Variants in CLIP4 observed in about 807,000 individuals in gnomAD.
CLIP4 encodes the protein CAP-Gly domain-containing linker protein 4.
CLIP4 carries 47 observed loss-of-function variants against 73.1 expected under a neutral mutation model. The ratio of observed to expected loss-of-function variants is 0.64; its 90% CI spans 0.51 to 0.82. CLIP4 has a LOEUF of 0.82. CLIP4 is among the 40% of genes least tolerant of loss of function. The pLI is 0.00. For missense variants in CLIP4, 874 were observed against 852.9 expected (o/e 1.02, Z -0.31); for synonymous variants, 306 against 295.4 (o/e 1.04, Z -0.37).
intron 13 of CLIP4, among the ~76,000 whole-genome samples, chr2:29,164,876 A>G (rs913347697): frequency 5.9e-5 from 9 of 152,190 alleles, no homozygotes; most frequent in African/African-American, 1.9e-4. Context: ...CTTCATATTT[A>G]TGGTGATAAC....
At chr2:29,132,048 A>C in intron 3 of CLIP4, 104 bp from the exon 4 acceptor site, 1 of 760,634 alleles carries the variant, frequency 1.3e-6, no homozygotes. Context: ...TTTACTGAGA[A>C]GTAATTCAGA....
chr2:29,145,158 G>A, intron 7 of CLIP4, 74 bp from the exon 8 acceptor site: 1 of 1,326,920 alleles, frequency 7.5e-7, no homozygotes, highest in Non-Finnish European at 1.0e-6. Context: ...CCATGGTGAA[G>A]TAAAGTTGCA....
chr2:29,168,114 C>T (rs1378705401), intron 14 of CLIP4, among the ~76,000 whole-genome samples: 3 of 152,306 alleles, frequency 2.0e-5, no homozygotes, highest in Middle Eastern at 3.4e-3. Flanking sequence ...GCCTCTGCTT[C>T]TCCTCACCTC....
At chr2:29,116,857 C>T (rs1186417135) in intron 1 of CLIP4, among the ~76,000 whole-genome samples, 2 of 152,184 alleles carry the variant, frequency 1.3e-5, no homozygotes, top group African/African-American at 4.8e-5. Flanking sequence ...TTTGTGTTTA[C>T]CACATACAGT....
intron 11 of CLIP4, 195 bp downstream of exon 11, chr2:29,157,542 G>A (rs1222517049): frequency 9.3e-6 from 7 of 749,908 alleles, no homozygotes. Context: ...ATAAGACTTT[G>A]CATTTATTTT....
intron 15 of CLIP4, chr2:29,175,400 T>TTATGC (rs1668267478): frequency 1.3e-5 from 2 of 152,220 alleles, no homozygotes; most frequent in Admixed American, 6.5e-5. Context: ...GGCAGTCAGT[T>TTATGC]TATGCTCCAG....
At chr2:29,131,897 A>G in intron 3 of CLIP4, 2 of 434,292 alleles carry the variant, frequency 4.6e-6, no homozygotes, top group Non-Finnish European at 8.1e-6. Context: ...TTTTGAGAGG[A>G]ACATATTTGG....
In CLIP4 at chr2:29,143,988, T is replaced by A; in HGVS notation, c.885+43T>A. On this transcript the variant is annotated intron_variant, in intron 7 of 15. Coordinates refer to ENST00000320081, the MANE Select transcript of CLIP4 (RefSeq NM_024692.6). ...AATCTCTGAAGCCAGGGTTGTTATG[T>A]CCATGACCTATGTTCAAGGACACAG... 4 of 1,526,184 alleles carry A rather than the reference T, an allele frequency of 2.6e-6. No individual in the cohort carries two copies. In the South Asian group the frequency reaches 4.5e-5, roughly 17 times the overall value. The allele number at this position is 1,526,184 out of a possible 1,614,324, so 94.5% of individuals were successfully genotyped here. A position where few individuals can be genotyped will look rare whatever the true frequency, so the allele number is the denominator to read the frequency against.
At chr2:29,130,658 C>T in intron 2 of CLIP4, 1 of 1,125,756 alleles carries the variant, frequency 8.9e-7, no homozygotes, top group African/African-American at 1.7e-5. Flanking sequence ...CGAATGTTAT[C>T]ACATTTCAGT....
intron 8 of CLIP4, among the ~76,000 whole-genome samples, chr2:29,151,946 T>C (rs980320536): frequency 1.3e-5 from 2 of 152,014 alleles, no homozygotes; most frequent in Admixed American, 1.3e-4. Context: ...GCAACCCCCC[T>C]GCCCCTGCCG....
chr2:29,129,374 A>G (rs575217988), intron 2 of CLIP4, among the ~76,000 whole-genome samples: 2 of 152,250 alleles, frequency 1.3e-5, no homozygotes, highest in African/African-American at 4.8e-5. Context: ...GAGAGTTTTC[A>G]GGAATACTTA....
At chr2:29,122,420 T>C (rs1664319109) in intron 2 of CLIP4, among the ~76,000 whole-genome samples, 1 of 152,128 alleles carries the variant, frequency 6.6e-6, no homozygotes, top group African/African-American at 2.4e-5. Context: ...ACCTTGTGCA[T>C]TGTACCTTAG....
At chr2:29,175,012 C>T (rs970821931) in intron 15 of CLIP4, among the ~76,000 whole-genome samples, 6 of 152,118 alleles carry the variant, frequency 3.9e-5, no homozygotes, top group African/African-American at 1.4e-4. Flanking sequence ...ATATGAGGCT[C>T]TTCCAGACTG....
At chr2:29,150,242 G>A (rs1259683022) in intron 8 of CLIP4, among the ~76,000 whole-genome samples, 1 of 152,150 alleles carries the variant, frequency 6.6e-6, no homozygotes, top group Non-Finnish European at 1.5e-5. Context: ...ACCAAATGAT[G>A]GGGTTACTCA....
intron 11 of CLIP4, among the ~76,000 whole-genome samples, chr2:29,157,932 A>G (rs1394171430): frequency 1.3e-5 from 2 of 152,228 alleles, no homozygotes; most frequent in Non-Finnish European, 2.9e-5. Context: ...TCTTGGCAAA[A>G]TACGTTCTTC....
chr2:29,143,726 C>T lies in CLIP4; in HGVS notation c.666C>T (p.Ile222=), dbSNP rs58545152. 15 of 1,611,082 alleles carry T rather than the reference C, an allele frequency of 9.3e-6. No individual in the cohort carries two copies. The South Asian group carries it at 1.4e-4, about 15-fold the overall frequency. The change falls in exon 7 of 16, where the codon ATC becomes ATT. Residue 222 remains isoleucine (I), a synonymous_variant. Coordinates refer to ENST00000320081, the MANE Select transcript of CLIP4 (RefSeq NM_024692.6). ...NPAFRNDKGQ[I]PADVVPDPVD... ...ATTTGTAGAATGACAAAGGACAGAT[C>T]CCTGCTGATGTTGTTCCAGACCCAG...
chr2:29,145,152 G>T lies in CLIP4; in HGVS notation c.886-80G>T. Reference sequence around the variant, plus strand: ...AGAGTGAATTTTTAAAAACTCCCATGGTGAAGTAAAGTTGCAAGAGTAGGA... The same window carrying T: ...AGAGTGAATTTTTAAAAACTCCCATTGTGAAGTAAAGTTGCAAGAGTAGGA... On this transcript the variant is annotated intron_variant, in intron 7 of 15. Coordinates refer to ENST00000320081, the MANE Select transcript of CLIP4 (RefSeq NM_024692.6). 2.4e-6 allele frequency: 3 copies of T among 1,245,560 alleles called. No individual in the cohort carries two copies. The South Asian group carries it at 4.6e-5, about 19-fold the overall frequency. The allele number at this position is 1,245,560 out of a possible 1,614,324, so 77.2% of individuals were successfully genotyped here. A position where few individuals can be genotyped will look rare whatever the true frequency, so the allele number is the denominator to read the frequency against.
intron 1 of CLIP4, among the ~76,000 whole-genome samples, chr2:29,107,123 C>T (rs1369183456): frequency 5.3e-5 from 8 of 152,108 alleles, no homozygotes; most frequent in Admixed American, 4.6e-4. Context: ...TTTCTACCTA[C>T]TCTGTGGCAG....
At chr2:29,119,262 ATTAG>A (rs1251473618) in intron 1 of CLIP4, among the ~76,000 whole-genome samples, 4 of 152,218 alleles carry the variant, frequency 2.6e-5, no homozygotes, top group Non-Finnish European at 5.9e-5. Context: ...AGCTTTGAAT[ATTAG>A]TTAAATATGT....
Sources: gnomAD v4.1 joint callset for allele counts (sites outside exome capture counted in the v4.1 genomes callset) on GRCh38, gnomAD v4.1.1 for gene constraint, MANE v1.5 for transcripts, NCBI Gene and HGNC (gene_info 2026-07-23, HGNC 2026-07-21) for gene names.